Variants in UGT1A7 observed in about 807,000 individuals in gnomAD.
UGT1A7 encodes UDP glucuronosyltransferase family 1 member A7, also known as UDP-glucuronosyltransferase 1A7.
A neutral mutation model predicts 45.6 loss-of-function variants in UGT1A7; 33 were observed. That is an observed-to-expected ratio of 0.72 (90% CI 0.55 to 0.97). UGT1A7 has a LOEUF of 0.97. Ranked by LOEUF, UGT1A7 falls within the 50% of genes least tolerant of loss-of-function variation. The pLI, the probability that UGT1A7 is intolerant of heterozygous loss-of-function variation, is 0.00. For synonymous variants in UGT1A7, 274 were observed against 250.6 expected, an observed-to-expected ratio of 1.09 and a Z score of -0.88; for missense variants, 684 against 666.2, an observed-to-expected ratio of 1.03 and a Z score of -0.29.
intron 1 of UGT1A7, among the ~76,000 whole-genome samples, chr2:233,701,083 T>C (rs896645413): frequency 6.6e-6 from 1 of 152,162 alleles, no homozygotes; most frequent in Non-Finnish European, 1.5e-5. Context: ...TATTCCATGG[T>C]GTATATGTGC....
chr2:233,708,981 C>T (rs1463866710), intron 1 of UGT1A7, among the ~76,000 whole-genome samples: 1 of 152,110 alleles, frequency 6.6e-6, no homozygotes, highest in African/African-American at 2.4e-5. Context: ...TCTGTTTCCT[C>T]GGCCGTGGCA....
chr2:233,730,485 A>C (rs879945186), intron 1 of UGT1A7, among the ~76,000 whole-genome samples: 5 of 152,208 alleles, frequency 3.3e-5, no homozygotes, highest in Non-Finnish European at 7.3e-5. Context: ...CTCACATGAA[A>C]TAGAAGTGTC....
At chr2:233,702,755 A>G (rs1175807851) in intron 1 of UGT1A7, among the ~76,000 whole-genome samples, 2 of 152,122 alleles carry the variant, frequency 1.3e-5, no homozygotes, top group Non-Finnish European at 2.9e-5. Flanking sequence ...TATTCTAGTG[A>G]TATGTGTTAA....
chr2:233,695,366 C>T (rs184636578), intron 1 of UGT1A7, among the ~76,000 whole-genome samples: 240 of 151,850 alleles, frequency 1.6e-3, no homozygotes, highest in African/African-American at 4.6e-3. Flanking sequence ...CCTCGTGGTC[C>T]GCCCACCCCA....
intron 1 of UGT1A7, among the ~76,000 whole-genome samples, chr2:233,738,129 C>A (rs546300449): frequency 1.3e-3 from 203 of 152,182 alleles, no homozygotes; most frequent in African/African-American, 4.7e-3. Flanking sequence ...TATAAGGGGC[C>A]CTTATCCCTT....
At chr2:233,734,121 T>TAAA (rs1021409062) in intron 1 of UGT1A7, among the ~76,000 whole-genome samples, 6 of 151,862 alleles carry the variant, frequency 4.0e-5, no homozygotes, top group African/African-American at 1.5e-4. Context: ...ATAATAATAA[T>TAAA]AAAAAGAATT....
Position 233,768,253 on chromosome 2 carries a change from C to G in UGT1A7, c.1109C>G (p.Ala370Gly). ...HPMTRAFITH[A>G]GSHGVYESIC... ...ATGACCCGTGCCTTTATCACCCATG[C>G]TGGTTCCCATGGTGTTTATGAAAGC... The change falls in exon 4 of 5, where the codon GCT becomes GGT. Residue 370 changes from alanine (A) to glycine (G), a missense_variant. Transcript: ENST00000373426. 6.2e-7 allele frequency: 1 copy of G among 1,614,206 alleles called. No homozygotes were observed. Among genetic ancestry groups the G allele is most frequent in the Non-Finnish European group, 8.5e-7 (1 of 1,180,038 alleles).
At chr2:233,755,280 C>A in intron 1 of UGT1A7, 2 of 709,720 alleles carry the variant, frequency 2.8e-6, no homozygotes, top group Non-Finnish European at 4.3e-6. Flanking sequence ...GCTGGACTGC[C>A]AAAGAGCCTG....
At chr2:233,691,290 A>C (rs936596287) in intron 1 of UGT1A7, 99 of 985,440 alleles carry the variant, frequency 1.0e-4, no homozygotes, top group Non-Finnish European at 1.2e-4. Context: ...GATCATTGTA[A>C]GCTGCCAATC....
chr2:233,740,156 C>T (rs578012287), intron 1 of UGT1A7, among the ~76,000 whole-genome samples: 1 of 151,870 alleles, frequency 6.6e-6, no homozygotes, highest in Non-Finnish European at 1.5e-5. Context: ...GAGGCCTCCC[C>T]AGTCATGTGG....
chr2:233,750,285 G>A (rs886934345), intron 1 of UGT1A7, among the ~76,000 whole-genome samples: 2 of 151,944 alleles, frequency 1.3e-5, no homozygotes, highest in African/African-American at 4.9e-5. Context: ...GAGACTGGTG[G>A]CATTTTGCCC....
intron 1 of UGT1A7, among the ~76,000 whole-genome samples, chr2:233,689,694 G>A (rs910850129): frequency 5.9e-5 from 9 of 152,284 alleles, no homozygotes; most frequent in Non-Finnish European, 7.4e-5. Context: ...GAGTTCAGTC[G>A]TTATTTCCCC....
In UGT1A7 at chr2:233,768,234, C is replaced by G. The variant is rs55750087; in HGVS notation, c.1090C>G (p.Arg364Gly). 2 of 1,614,044 alleles carry G rather than the reference C, an allele frequency of 1.2e-6. No homozygotes were observed. The highest frequency in any genetic ancestry group is 4.5e-5 in the East Asian group (2 of 44,882). Reference protein sequence around the residue: ...QNDLLGHPMTRAFITHAGSHG... With the variant: ...QNDLLGHPMTGAFITHAGSHG... ...TTGCATCTCAGGTCACCCGATGACCCGTGCCTTTATCACCCATGCTGGTTC... is the reference window on the plus strand; with the variant it reads ...TTGCATCTCAGGTCACCCGATGACCGGTGCCTTTATCACCCATGCTGGTTC... Residue 364 changes from arginine (R) to glycine (G), a missense_variant, in exon 4 of 5, where the codon CGT becomes GGT. Arg to Gly is a moderately radical substitution (Grantham distance 125). Coordinates refer to ENST00000373426, the MANE Select transcript of UGT1A7 (RefSeq NM_019077.3).
chr2:233,768,502 A>G (rs1225934667), intron 4 of UGT1A7, 63 bp downstream of exon 4: 30 of 1,567,296 alleles, frequency 1.9e-5, no homozygotes, highest in Non-Finnish European at 2.6e-5. Flanking sequence ...TGTTTCAAAT[A>G]TGAAAACATT....
At chr2:233,720,871 A>ATTT (rs60621337) in intron 1 of UGT1A7, among the ~76,000 whole-genome samples, 7,391 of 132,696 alleles carry the variant, frequency 0.056, 241 homozygotes, top group Non-Finnish European at 0.067. Context: ...GCTCCTGGCA[A>ATTT]TTTTTTTTTT....
At chr2:233,731,988 G>T (rs2078227484) in intron 1 of UGT1A7, among the ~76,000 whole-genome samples, 1 of 152,200 alleles carries the variant, frequency 6.6e-6, no homozygotes, top group South Asian at 2.1e-4. Flanking sequence ...TAACTGGCGT[G>T]AGATGGTATC....
rs2075671256 is a variant in UGT1A7 at position 233,702,138 on chromosome 2, A to T, written c.855+19346A>T. Reference sequence around the variant, plus strand: ...CTTAGAACATTTTCAGTCACTCCCAAAGATACCTTATATCTATTATCAGTC... The same window carrying T: ...CTTAGAACATTTTCAGTCACTCCCATAGATACCTTATATCTATTATCAGTC... On this transcript the variant is annotated intron_variant, in intron 1 of 4. Transcript: ENST00000373426. Among the ~76,000 whole-genome samples the T allele has an allele frequency of 2.0e-5, 3 of 152,126 alleles. No homozygotes were observed. In the South Asian group the frequency reaches 6.2e-4, roughly 32 times the overall value.
intron 1 of UGT1A7, among the ~76,000 whole-genome samples, chr2:233,725,072 A>T (rs1214982846): frequency 6.9e-6 from 1 of 144,958 alleles, no homozygotes; most frequent in African/African-American, 2.6e-5. Flanking sequence ...CTGCAATCGC[A>T]GGCACTCGGC....
intron 1 of UGT1A7, chr2:233,754,785 C>A (rs751766973): frequency 1.7e-6 from 2 of 1,177,776 alleles, no homozygotes; most frequent in Non-Finnish European, 2.3e-6. Context: ...GCCAAAGGAA[C>A]GAAATCCTGT....
Sources: allele counts gnomAD v4.1 joint callset (sites outside exome capture counted in the v4.1 genomes callset), GRCh38; gene constraint gnomAD v4.1.1; transcripts MANE v1.5; gene names NCBI Gene and HGNC (gene_info 2026-07-23, HGNC 2026-07-21).